Variants in WDFY4 observed in about 807,000 individuals in gnomAD.
WDFY4 encodes WDFY family member 4.
A neutral mutation model predicts 351.9 loss-of-function variants in WDFY4; 169 were observed. The observed-to-expected ratio is 0.48, with a 90% confidence interval of 0.42 to 0.55. WDFY4 has a LOEUF of 0.55. Among genes scored for constraint, WDFY4 ranks in the 20% least tolerant of loss-of-function variants. The probability of loss-of-function intolerance (pLI) is 0.00; values close to 1 mark genes in which losing one functional copy is unlikely to be tolerated. For synonymous variants in WDFY4, 1,622 were observed against 1,574.6 expected, an observed-to-expected ratio of 1.03 and a Z score of -0.71; for missense variants, 3,803 against 3,935.6, an observed-to-expected ratio of 0.97 and a Z score of 0.90.
rs200130758 is a variant in WDFY4, at chr10:48,716,108, A to AT, written c.235-3894dup. 1.0e-2 allele frequency among the ~76,000 whole-genome samples: 1,494 copies of AT among 149,700 alleles called. 18 individuals are homozygous for AT. The highest frequency in any genetic ancestry group is 0.034 in the African/African-American group (1,384 of 40,838). ...CTTTTTAGCAAAGTTTTGATGCGCC[A>AT]TTTTTTTTTCAACAGAGGAGAGGGT... On this transcript the variant is annotated intron_variant, in intron 2 of 61. Transcript: ENST00000325239.
intron 1 of WDFY4, among the ~76,000 whole-genome samples, chr10:48,685,205 G>A (rs903619282): frequency 6.6e-6 from 1 of 152,230 alleles, no homozygotes; most frequent in African/African-American, 2.4e-5. Flanking sequence ...GGCCCATGTG[G>A]TCAGGGCCAC....
intron 3 of WDFY4, among the ~76,000 whole-genome samples, 197 bp from the exon 4 acceptor site, chr10:48,721,064 G>C (rs568809602): frequency 5.9e-5 from 9 of 152,286 alleles, no homozygotes; most frequent in African/African-American, 2.2e-4. Flanking sequence ...CACAAAAAAC[G>C]CTGTCTTCCA....
intron 47 of WDFY4, among the ~76,000 whole-genome samples, chr10:48,902,816 G>A (rs974348869): frequency 1.3e-5 from 2 of 152,012 alleles, no homozygotes; most frequent in Non-Finnish European, 2.9e-5. Context: ...AACAATCTTT[G>A]AATTAATACT....
intron 11 of WDFY4, among the ~76,000 whole-genome samples, chr10:48,742,309 C>G (rs1284888640): frequency 2.0e-5 from 3 of 151,996 alleles, no homozygotes; most frequent in Non-Finnish European, 4.4e-5. Context: ...TTGCAGGTTT[C>G]TCTTCTCTTT....
At chr10:48,871,048 C>T (rs2069756448) in intron 40 of WDFY4, among the ~76,000 whole-genome samples, 1 of 152,156 alleles carries the variant, frequency 6.6e-6, no homozygotes, top group Non-Finnish European at 1.5e-5. Flanking sequence ...ATTCTCCTGC[C>T]TCAGCCTCCA....
intron 43 of WDFY4, among the ~76,000 whole-genome samples, chr10:48,887,134 C>T (rs1414415906): frequency 1.3e-5 from 2 of 152,244 alleles, no homozygotes; most frequent in Non-Finnish European, 2.9e-5. Flanking sequence ...CTTAAGTCTT[C>T]CCAAAGGGAA....
At chr10:48,874,578 C>T (rs2069919410) in intron 41 of WDFY4, among the ~76,000 whole-genome samples, 1 of 152,036 alleles carries the variant, frequency 6.6e-6, no homozygotes, top group Non-Finnish European at 1.5e-5. Context: ...CTTAAATTTT[C>T]TAAGTATTGT....
chr10:48,711,602 TC>T (rs2063769226), intron 2 of WDFY4, among the ~76,000 whole-genome samples: 1 of 152,202 alleles, frequency 6.6e-6, no homozygotes, highest in South Asian at 2.1e-4. Context: ...TGATTCTTCT[TC>T]ACCTCCCTGA....
chr10:48,809,334 C>T (rs1009990005), intron 28 of WDFY4, among the ~76,000 whole-genome samples: 3 of 146,790 alleles, frequency 2.0e-5, no homozygotes, highest in African/African-American at 8.0e-5. Context: ...ATCACCCTCA[C>T]CACCATCACC....
intron 35 of WDFY4, among the ~76,000 whole-genome samples, chr10:48,822,887 A>G (rs10776648): frequency 0.54 from 82,681 of 152,122 alleles, 22,950 homozygotes; most frequent in East Asian, 0.83. Context: ...CTAAGAAAGG[A>G]CCACAAAGGC....
chr10:48,720,826 G>A (rs557702980), intron 3 of WDFY4, among the ~76,000 whole-genome samples: 1 of 152,324 alleles, frequency 6.6e-6, no homozygotes, highest in South Asian at 2.1e-4. Flanking sequence ...GGTCCCTGGA[G>A]GCAGGGCAGA....
intron 40 of WDFY4, among the ~76,000 whole-genome samples, chr10:48,872,549 C>T (rs988774656): frequency 2.6e-5 from 4 of 152,188 alleles, no homozygotes; most frequent in African/African-American, 9.6e-5. Context: ...TAGCACTTCA[C>T]CTTTTCATTT....
chr10:48,976,694 G>A, intron 58 of WDFY4, 103 bp from the exon 59 acceptor site: 21 of 1,112,224 alleles, frequency 1.9e-5, no homozygotes, highest in Non-Finnish European at 2.5e-5. Flanking sequence ...TTCAGAGCAT[G>A]ACAGATTGAG....
chr10:48,910,505 C>A (rs1837901033), intron 47 of WDFY4, among the ~76,000 whole-genome samples: 2 of 152,188 alleles, frequency 1.3e-5, no homozygotes, highest in African/African-American at 4.8e-5. Context: ...CATGAAGGAA[C>A]ACCAACATCA....
At chr10:48,804,783 A>G (rs996270665) in intron 25 of WDFY4, 5 of 940,096 alleles carry the variant, frequency 5.3e-6, no homozygotes, top group Non-Finnish European at 5.0e-6. Context: ...GGGAGGGGGT[A>G]TGGATAGGTG....
chr10:48,793,864 G>A (rs1217312955), intron 23 of WDFY4, among the ~76,000 whole-genome samples: 2 of 152,202 alleles, frequency 1.3e-5, no homozygotes, highest in East Asian at 1.9e-4. Context: ...GGGTGGGAGA[G>A]CATAAACCTT....
In WDFY4 at chr10:48,731,415, G is replaced by A. The variant is rs1207288774; in HGVS notation, c.1435G>A (p.Gly479Arg). The change falls in exon 9 of 62, where the codon GGG becomes AGG. Residue 479 changes from glycine (G) to arginine (R), a missense_variant. Around this residue, in one of 3 missense-constraint regions of WDFY4, gnomAD observed 261 missense variants for 330.2 expected, o/e 0.79. Coordinates refer to ENST00000325239, the MANE Select transcript of WDFY4 (RefSeq NM_001394531.1). ...KVQHLIKESP[G>R]PSCTLMALQS... ...ACAGCATCTGATCAAGGAGAGCCCT[G>A]GGCCATCCTGCACCCTCATGGCCCT... is the stretch of plus-strand genomic sequence containing the variant. 2 of 1,551,714 alleles carry A rather than the reference G, an allele frequency of 1.3e-6. No individual in the cohort carries two copies. Among genetic ancestry groups the A allele is most frequent in the African/African-American group, 2.7e-5 (2 of 73,188 alleles).
At position 48,734,942 on chromosome 10, in the gene WDFY4, ATTTTTTT is replaced by A. The variant is rs3079302; in HGVS notation, c.1687+921_1688-918del. On this transcript the variant is annotated intron_variant, in intron 10 of 61. Coordinates refer to ENST00000325239, the MANE Select transcript of WDFY4 (RefSeq NM_001394531.1). Reference sequence around the variant, plus strand: ...AGGCGCACGCCGCCATGCACGGCTAATTTTTTTTTTTTTTTTTTTTGGTATTTTAGTA... The same window carrying A: ...AGGCGCACGCCGCCATGCACGGCTAATTTTTTTTTTTTTGGTATTTTAGTA... Among the ~76,000 whole-genome samples the A allele has an allele frequency of 2.3e-3, 279 of 123,298 alleles. 1 individual carries two copies. The highest frequency in any genetic ancestry group is 3.4e-3 in the Non-Finnish European group (207 of 61,396). The allele number at this position is 123,298 out of a possible 152,430, so 80.9% of individuals were successfully genotyped here. A position where few individuals can be genotyped will look rare whatever the true frequency, so the allele number is the denominator to read the frequency against.
chr10:48,787,903 CTTCT>C (rs2066504480), intron 20 of WDFY4, among the ~76,000 whole-genome samples: 2 of 29,170 alleles, frequency 6.9e-5, no homozygotes, highest in Non-Finnish European at 1.3e-4. Flanking sequence ...CCTTCTTCTT[CTTCT>C]TCTTCTTCTT....
Sources: allele counts gnomAD v4.1 joint callset (sites outside exome capture counted in the v4.1 genomes callset), GRCh38; gene constraint gnomAD v4.1.1; regional missense constraint gnomAD v4.1.1; transcripts MANE v1.5; gene names NCBI Gene and HGNC (gene_info 2026-07-23, HGNC 2026-07-21).